CDH1: variants seen among roughly 807,000 people sequenced by gnomAD.
The protein encoded by CDH1 is cadherin-1.
CDH1 carries 35 observed loss-of-function variants against 84.5 expected under a neutral mutation model. The ratio of observed to expected loss-of-function variants is 0.41; its 90% CI spans 0.32 to 0.55. The LOEUF (loss-of-function observed/expected upper bound fraction) is 0.55. CDH1 is among the 20% of genes least tolerant of loss of function. The pLI is 0.19. For missense variants in CDH1, 994 were observed against 1,126.6 expected (o/e 0.88, Z 1.68); for synonymous variants, 417 against 439.0 (o/e 0.95, Z 0.63).
In CDH1 at chr16:68,738,441, G is replaced by A; in HGVS notation, c.163+30G>A. On this transcript the variant is annotated intron_variant, in intron 2 of 15. Coordinates refer to ENST00000261769, the MANE Select transcript of CDH1 (RefSeq NM_004360.5). ...GGGCGCGCTGCCGGTGTCCCTGGGC[G>A]GAGTAGGGAGGGGTTGGAAAGGGGC... The A allele has an allele frequency of 2.1e-6, 3 of 1,457,082 alleles. 1 individual carries two copies. The highest frequency in any genetic ancestry group is 1.9e-6 in the Non-Finnish European group (2 of 1,064,784). 90.3% of individuals were successfully genotyped at this position (1,457,082 alleles called of 1,614,324 possible). A position where few individuals can be genotyped will look rare whatever the true frequency, so the allele number is the denominator to read the frequency against.
chr16:68,745,533 C>G (rs1429882907), intron 2 of CDH1, among the ~76,000 whole-genome samples: 2 of 40,426 alleles, frequency 4.9e-5, no homozygotes, highest in African/African-American at 2.1e-4. Flanking sequence ...GATCCTGTCT[C>G]AAAAAAAAAA....
chr16:68,740,337 G>A (rs1037575905), intron 2 of CDH1, among the ~76,000 whole-genome samples: 3 of 152,006 alleles, frequency 2.0e-5, no homozygotes, highest in Admixed American at 1.3e-4. Context: ...ACTACAGCTC[G>A]ACTGATGAAG....
At position 68,828,151 on chromosome 16, in the gene CDH1, C is replaced by A. The variant is rs1408871218; in HGVS notation, c.2165-23C>A. On this transcript the variant is annotated intron_variant, in intron 13 of 15. Coordinates refer to ENST00000261769, the MANE Select transcript of CDH1 (RefSeq NM_004360.5). ...CTTTATCTTTGGCTCTCAACACTTGCTCTGTCTCCCCCACCATCCCAGTTC... is the reference window on the plus strand; with the variant it reads ...CTTTATCTTTGGCTCTCAACACTTGATCTGTCTCCCCCACCATCCCAGTTC... The A allele has an allele frequency of 4.3e-6, 7 of 1,613,216 alleles. No homozygotes were observed. The African/African-American group carries it at 5.3e-5, about 12-fold the overall frequency.
intron 2 of CDH1, among the ~76,000 whole-genome samples, chr16:68,741,131 C>T (rs1344759418): frequency 6.6e-6 from 1 of 151,920 alleles, no homozygotes; most frequent in Non-Finnish European, 1.5e-5. Flanking sequence ...AGCCTTCACA[C>T]AGAATCCGCA....
At chr16:68,787,202 C>G (rs1367606039) in intron 2 of CDH1, among the ~76,000 whole-genome samples, 27 of 152,164 alleles carry the variant, frequency 1.8e-4, no homozygotes, top group Admixed American at 1.8e-3. Context: ...CTGTTAACTA[C>G]CCCTGGAATT....
chr16:68,798,166 C>G (rs935441962), intron 2 of CDH1, among the ~76,000 whole-genome samples: 1 of 152,050 alleles, frequency 6.6e-6, no homozygotes, highest in Non-Finnish European at 1.5e-5. Context: ...GTTTTTACAC[C>G]AAGTCACCAA....
At chr16:68,792,386 C>T (rs34850889) in intron 2 of CDH1, among the ~76,000 whole-genome samples, 14,469 of 152,064 alleles carry the variant, frequency 0.095, 1,405 homozygotes, top group African/African-American at 0.25. Flanking sequence ...TGCGCCACCA[C>T]GCCTGGCTAA....
intron 2 of CDH1, among the ~76,000 whole-genome samples, chr16:68,759,300 C>T (rs1260815725): frequency 1.3e-5 from 2 of 152,002 alleles, no homozygotes; most frequent in Non-Finnish European, 2.9e-5. Flanking sequence ...GAGTTCAAGA[C>T]CAGCCTGGGC....
At chr16:68,754,236 C>T (rs2152117947) in intron 2 of CDH1, among the ~76,000 whole-genome samples, 1 of 152,070 alleles carries the variant, frequency 6.6e-6, no homozygotes, top group East Asian at 1.9e-4. Context: ...TAGGGAGACC[C>T]TGTCTCTACA....
intron 5 of CDH1, 87 bp from the exon 6 acceptor site, chr16:68,810,109 AG>A: frequency 2.8e-6 from 4 of 1,426,234 alleles, no homozygotes; most frequent in Non-Finnish European, 4.0e-6. Context: ...TGTGGCAGCC[AG>A]GGGGGCGCAC....
chr16:68,750,814 C>T (rs1435735860), intron 2 of CDH1, among the ~76,000 whole-genome samples: 1 of 151,748 alleles, frequency 6.6e-6, no homozygotes, highest in East Asian at 1.9e-4. Flanking sequence ...AAGCAATCCT[C>T]CCACCTCAGC....
At chr16:68,818,025 G>A (rs1263623287) in intron 10 of CDH1, among the ~76,000 whole-genome samples, 1 of 152,040 alleles carries the variant, frequency 6.6e-6, no homozygotes, top group Non-Finnish European at 1.5e-5. Context: ...GATCATCTGA[G>A]GTCAGGAGAT....
intron 2 of CDH1, among the ~76,000 whole-genome samples, chr16:68,741,438 C>T (rs1408522853): frequency 6.6e-6 from 1 of 152,150 alleles, no homozygotes; most frequent in Non-Finnish European, 1.5e-5. Context: ...CAGGTTTAGA[C>T]ATTGGCTTCA....
chr16:68,785,897 T>G (rs1286566664), intron 2 of CDH1, among the ~76,000 whole-genome samples: 1 of 152,250 alleles, frequency 6.6e-6, no homozygotes. Flanking sequence ...CATTTTTGTG[T>G]GCAAGCTTTC....
intron 13 of CDH1, among the ~76,000 whole-genome samples, chr16:68,824,740 A>G (rs1961272640): frequency 6.6e-6 from 1 of 152,228 alleles, no homozygotes; most frequent in Non-Finnish European, 1.5e-5. Context: ...CCTAGGGGTG[A>G]CACAGGAGCT....
At chr16:68,822,463 A>G (rs1454372712) in intron 12 of CDH1, 2 of 586,500 alleles carry the variant, frequency 3.4e-6, no homozygotes, top group Non-Finnish European at 6.2e-6. Context: ...TCCCTCTCCC[A>G]GCCTCTAGCC....
At position 68,750,150 on chromosome 16, in the gene CDH1, C is replaced by CTTTTTTTTTTTTTTTTTTT. The variant is rs34551002; in HGVS notation, c.163+11749_163+11750insTTTTTTTTTTTTTTTTTTT. ...TTTTGATTGTGATGCTAGAATTCAG[C>CTTTTTTTTTTTTTTTTTTT]TTTTTTTTTTGCCTTTGGAAGGCCT... On this transcript the variant is annotated intron_variant, in intron 2 of 15. Coordinates refer to ENST00000261769, the MANE Select transcript of CDH1 (RefSeq NM_004360.5). 3.2e-4 allele frequency among the ~76,000 whole-genome samples: 25 copies of CTTTTTTTTTTTTTTTTTTT among 79,130 alleles called. 1 individual carries two copies. Among genetic ancestry groups the CTTTTTTTTTTTTTTTTTTT allele is most frequent in the East Asian group, 8.6e-4 (2 of 2,324 alleles). 51.9% of individuals were successfully genotyped at this position (79,130 alleles called of 152,430 possible).
chr16:68,801,898 G>T lies in CDH1; in HGVS notation c.387+5G>T. On this transcript the variant is annotated splice_donor_5th_base_variant and intron_variant, in intron 3 of 15. Coordinates refer to ENST00000261769, the MANE Select transcript of CDH1 (RefSeq NM_004360.5). Reference sequence around the variant, plus strand: ...CACCGCCCCCCGCCCCATCAGGTATGTTGGCATTTTTCTGAGAAGTTCGCT... The same window carrying T: ...CACCGCCCCCCGCCCCATCAGGTATTTTGGCATTTTTCTGAGAAGTTCGCT... The T allele has an allele frequency of 6.2e-7, 1 of 1,612,180 alleles. No individual in the cohort carries two copies. The highest frequency in any genetic ancestry group is 1.1e-5 in the South Asian group (1 of 91,050).
intron 2 of CDH1, among the ~76,000 whole-genome samples, chr16:68,741,149 GGT>G (rs1161747322): frequency 6.6e-6 from 1 of 151,914 alleles, no homozygotes; most frequent in Non-Finnish European, 1.5e-5. Context: ...GCAGGCCTCT[GGT>G]GTGGTTGGTT....
Sources: gnomAD v4.1 joint callset for allele counts (sites outside exome capture counted in the v4.1 genomes callset) on GRCh38, gnomAD v4.1.1 for gene constraint, MANE v1.5 for transcripts, NCBI Gene and HGNC (gene_info 2026-07-23, HGNC 2026-07-21) for gene names.